Variants in PTPRD observed in about 807,000 individuals in gnomAD.
The protein encoded by PTPRD is receptor-type tyrosine-protein phosphatase delta.
In PTPRD, 34 loss-of-function variants were observed where a neutral mutation model predicts 214.5. The ratio of observed to expected loss-of-function variants is 0.16; its 90% confidence interval spans 0.12 to 0.21. The LOEUF (loss-of-function observed/expected upper bound fraction) is 0.21, where lower values mean the gene tolerates loss of function less well. PTPRD is among the 10% of genes least tolerant of loss of function. PTPRD has a pLI of 1.00. For missense variants in PTPRD, 2,545 were observed against 2,398.7 expected, an observed-to-expected ratio of 1.06 and a Z score of -1.27; for synonymous variants, 1,128 against 845.7, an observed-to-expected ratio of 1.33 and a Z score of -5.79.
At chr9:9,401,275 C>T (rs1390045825) in intron 8 of PTPRD, among the ~76,000 whole-genome samples, 1 of 152,046 alleles carries the variant, frequency 6.6e-6, no homozygotes, top group Non-Finnish European at 1.5e-5. Context: ...CTATTACACA[C>T]ACATACACAT....
At chr9:8,375,292 T>C (rs976450812) in intron 39 of PTPRD, among the ~76,000 whole-genome samples, 1 of 152,008 alleles carries the variant, frequency 6.6e-6, no homozygotes, top group Non-Finnish European at 1.5e-5. Flanking sequence ...AGTGGTGATG[T>C]AGCTGTTAGA....
chr9:9,327,725 T>C lies in PTPRD; in HGVS notation c.-203+69724A>G, dbSNP rs146047859. Among the ~76,000 whole-genome samples the C allele has an allele frequency of 9.9e-5, 15 of 152,272 alleles. No homozygotes were observed. The East Asian group carries it at 2.3e-3, about 24-fold the overall frequency. On this transcript the variant is annotated intron_variant, in intron 9 of 45. Transcript: ENST00000381196. ...CAAGGATAGAGCTCAAGAATACTTC[T>C]ATTTTTTCACTGGATAATACACGGT...
chr9:8,857,640 G>A (rs773218457), intron 11 of PTPRD: 10 of 156,434 alleles, frequency 6.4e-5, no homozygotes, highest in South Asian at 1.7e-4. Context: ...GGACTCACCT[G>A]GTCATGTTGG....
chr9:10,555,579 G>T (rs2062368831), intron 2 of PTPRD, among the ~76,000 whole-genome samples: 1 of 152,092 alleles, frequency 6.6e-6, no homozygotes, highest in Non-Finnish European at 1.5e-5. Context: ...GGGTAAACCA[G>T]TCTCCTACAA....
At chr9:9,365,537 T>C (rs2057636893) in intron 9 of PTPRD, among the ~76,000 whole-genome samples, 1 of 151,580 alleles carries the variant, frequency 6.6e-6, no homozygotes, top group South Asian at 2.1e-4. Context: ...GGTAGTTCTA[T>C]AAAATTCCAT....
chr9:9,389,507 AAAT>A (rs776378718), intron 9 of PTPRD, among the ~76,000 whole-genome samples: 5 of 152,130 alleles, frequency 3.3e-5, no homozygotes, highest in Admixed American at 6.5e-5. Flanking sequence ...CTCCATCTCA[AAAT>A]AATAATAATA....
intron 43 of PTPRD, among the ~76,000 whole-genome samples, chr9:8,336,825 G>A (rs368935626): frequency 2.7e-4 from 41 of 152,018 alleles, no homozygotes; most frequent in Middle Eastern, 3.2e-3. Flanking sequence ...AGAAGACACC[G>A]ATGCGGCAGA....
intron 10 of PTPRD, among the ~76,000 whole-genome samples, chr9:9,174,012 G>A (rs766698426): frequency 1.3e-5 from 2 of 151,822 alleles, no homozygotes; most frequent in African/African-American, 2.4e-5. Flanking sequence ...ATATTTTCTA[G>A]GCAATTAAAC....
chr9:9,118,450 G>A (rs761819254), intron 10 of PTPRD, among the ~76,000 whole-genome samples: 2 of 152,114 alleles, frequency 1.3e-5, no homozygotes, highest in South Asian at 2.1e-4. Flanking sequence ...TTAGTACCCA[G>A]CAACTTTTTA....
At chr9:9,064,209 T>C (rs1235147772) in intron 10 of PTPRD, among the ~76,000 whole-genome samples, 2 of 152,186 alleles carry the variant, frequency 1.3e-5, no homozygotes, top group African/African-American at 4.8e-5. Context: ...TTTCAACATG[T>C]ATATTGTTTG....
intron 7 of PTPRD, among the ~76,000 whole-genome samples, chr9:9,655,452 C>T (rs556778378): frequency 6.6e-6 from 1 of 151,654 alleles, no homozygotes; most frequent in South Asian, 2.1e-4. Flanking sequence ...GTTTGTGGTC[C>T]CAGCTACACA....
chr9:8,669,827 A>T (rs76861509), intron 12 of PTPRD, among the ~76,000 whole-genome samples: 7 of 152,158 alleles, frequency 4.6e-5, no homozygotes, highest in Admixed American at 2.6e-4. Flanking sequence ...AATAATGTAG[A>T]GCCTGTGAAG....
At chr9:8,554,585 T>C (rs574067472) in intron 14 of PTPRD, among the ~76,000 whole-genome samples, 121 of 152,176 alleles carry the variant, frequency 8.0e-4, no homozygotes, top group Non-Finnish European at 1.6e-3. Flanking sequence ...TTGTGACACA[T>C]TAATAGGCTA....
intron 44 of PTPRD, among the ~76,000 whole-genome samples, chr9:8,331,287 T>TATTACTAGG (rs752651462): frequency 3.4e-4 from 52 of 152,222 alleles, no homozygotes; most frequent in Non-Finnish European, 5.9e-4. Flanking sequence ...AACAACGAAT[T>TATTACTAGG]ATTACTAGGG....
At chr9:10,016,863 CTA>C (rs2154114134) in intron 4 of PTPRD, among the ~76,000 whole-genome samples, 1 of 152,224 alleles carries the variant, frequency 6.6e-6, no homozygotes, top group African/African-American at 2.4e-5. Context: ...CAGGGTCTCG[CTA>C]TGTTTCCCAA....
At chr9:9,381,676 G>T (rs957062556) in intron 9 of PTPRD, among the ~76,000 whole-genome samples, 5 of 149,278 alleles carry the variant, frequency 3.3e-5, no homozygotes, top group East Asian at 2.0e-4. Flanking sequence ...AAAAGTGTTT[G>T]TTTTTTTTTG....
intron 3 of PTPRD, among the ~76,000 whole-genome samples, chr9:10,177,506 G>C (rs1056083598): frequency 1.3e-5 from 2 of 151,648 alleles, no homozygotes; most frequent in Non-Finnish European, 3.0e-5. Flanking sequence ...GAACACACTG[G>C]TGGCAGTATA....
At chr9:8,635,198 T>C (rs895900568) in intron 13 of PTPRD, among the ~76,000 whole-genome samples, 2 of 151,034 alleles carry the variant, frequency 1.3e-5, no homozygotes, top group Non-Finnish European at 2.9e-5. Context: ...TATATGACTC[T>C]CATGGGGAAT....
At chr9:9,209,585 T>C (rs2099947219) in intron 9 of PTPRD, among the ~76,000 whole-genome samples, 1 of 152,182 alleles carries the variant, frequency 6.6e-6, no homozygotes, top group Admixed American at 6.5e-5. Context: ...AATGATATGA[T>C]GTCTGGAATT....
Sources: allele counts gnomAD v4.1 joint callset (sites outside exome capture counted in the v4.1 genomes callset), GRCh38; gene constraint gnomAD v4.1.1; transcripts MANE v1.5; gene names NCBI Gene and HGNC (gene_info 2026-07-23, HGNC 2026-07-21).